PRICKLE2: variants seen among roughly 807,000 people sequenced by gnomAD.
PRICKLE2 encodes prickle-like protein 2.
A neutral mutation model predicts 81.4 loss-of-function variants in PRICKLE2; 21 were observed. The observed-to-expected ratio is 0.26, with a 90% CI of 0.18 to 0.37. The LOEUF (loss-of-function observed/expected upper bound fraction) is 0.37, where lower values mean the gene tolerates loss of function less well. Among genes scored for constraint, PRICKLE2 ranks in the 10% least tolerant of loss-of-function variants. PRICKLE2 has a pLI of 1.00. For synonymous variants in PRICKLE2, 456 were observed against 421.5 expected, an observed-to-expected ratio of 1.08 and a Z score of -1.00; for missense variants, 940 against 1,109.0, an observed-to-expected ratio of 0.85 and a Z score of 2.16.
intron 2 of PRICKLE2, among the ~76,000 whole-genome samples, chr3:64,166,821 A>G (rs935953408): frequency 3.3e-5 from 5 of 152,176 alleles, no homozygotes; most frequent in African/African-American, 1.2e-4. Flanking sequence ...AGGACTTCCA[A>G]TCCTCTTCGA....
chr3:64,200,110 T>G (rs189683196), intron 1 of PRICKLE2: 2 of 152,324 alleles, frequency 1.3e-5, no homozygotes, highest in East Asian at 3.9e-4. Flanking sequence ...CCAGGAGCAT[T>G]GGCAGTTATT....
intron 2 of PRICKLE2, among the ~76,000 whole-genome samples, chr3:64,189,094 A>T (rs2078287195): frequency 6.6e-6 from 1 of 152,170 alleles, no homozygotes; most frequent in Admixed American, 6.5e-5. Flanking sequence ...GCACTCAAAA[A>T]ATATTTGCTG....
intron 2 of PRICKLE2, among the ~76,000 whole-genome samples, chr3:64,165,255 G>C (rs1300979133): frequency 6.6e-6 from 1 of 152,062 alleles, no homozygotes; most frequent in African/African-American, 2.4e-5. Flanking sequence ...AGCCCTTTCT[G>C]ATACTGTCTA....
chr3:64,150,550 C>T (rs776525024), intron 6 of PRICKLE2, among the ~76,000 whole-genome samples: 6 of 152,174 alleles, frequency 3.9e-5, no homozygotes, highest in South Asian at 2.1e-4. Flanking sequence ...CTTCTTCCTC[C>T]TCCTTCTTCT....
intron 7 of PRICKLE2, among the ~76,000 whole-genome samples, chr3:64,144,599 A>G (rs543607462): frequency 2.0e-5 from 3 of 152,370 alleles, no homozygotes; most frequent in East Asian, 1.9e-4. Flanking sequence ...GGGCAGACGT[A>G]TATCTCCCTC....
At chr3:64,130,015 A>G (rs1394046328) in intron 7 of PRICKLE2, among the ~76,000 whole-genome samples, 3 of 152,194 alleles carry the variant, frequency 2.0e-5, no homozygotes, top group Non-Finnish European at 4.4e-5. Flanking sequence ...ATGGACAGAA[A>G]TGTGGAGTAG....
At chr3:64,220,530 C>T (rs2078935555) in intron 1 of PRICKLE2, among the ~76,000 whole-genome samples, 3 of 152,160 alleles carry the variant, frequency 2.0e-5, no homozygotes, top group Admixed American at 1.3e-4. Flanking sequence ...CCCCAGGATA[C>T]AGCACTCAAA....
At chr3:64,118,255 T>C (rs1231623264) in intron 7 of PRICKLE2, among the ~76,000 whole-genome samples, 2 of 152,126 alleles carry the variant, frequency 1.3e-5, no homozygotes, top group African/African-American at 4.8e-5. Flanking sequence ...GAAGAAAACC[T>C]AGGCAATATC....
chr3:64,172,569 T>C (rs1324758148), intron 2 of PRICKLE2, among the ~76,000 whole-genome samples: 9 of 152,344 alleles, frequency 5.9e-5, no homozygotes, highest in East Asian at 1.9e-4. Flanking sequence ...CCTTGAAGCA[T>C]TAATAAGAGG....
At chr3:64,235,723 G>C (rs1351880448) in intron 2 of PRICKLE2, among the ~76,000 whole-genome samples, 1 of 152,088 alleles carries the variant, frequency 6.6e-6, no homozygotes, top group African/African-American at 2.4e-5. Context: ...CTATTGTTTT[G>C]ACAATTCCTT....
chr3:64,112,564 G>A (rs2076866853), intron 7 of PRICKLE2, among the ~76,000 whole-genome samples: 1 of 152,182 alleles, frequency 6.6e-6, no homozygotes, highest in Non-Finnish European at 1.5e-5. Flanking sequence ...TAAATAAATG[G>A]AAGGATAACT....
intron 2 of PRICKLE2, among the ~76,000 whole-genome samples, chr3:64,264,056 C>T (rs989014374): frequency 6.6e-6 from 1 of 151,700 alleles, no homozygotes; most frequent in African/African-American, 2.4e-5. Flanking sequence ...GCCCACCCCA[C>T]CCCCCACTCC....
In PRICKLE2 at chr3:64,133,712, G is replaced by C. The variant is rs1171533181; in HGVS notation, c.1660+13118C>G. On this transcript the variant is annotated intron_variant, in intron 7 of 7. Coordinates refer to ENST00000638394, the MANE Select transcript of PRICKLE2 (RefSeq NM_198859.4). ...GTAACATGGGCATAATTAGGCCACA[G>C]ATTCTGGTAGCCTCTTTTGACTCAG... 3.3e-5 allele frequency among the ~76,000 whole-genome samples: 5 copies of C among 152,282 alleles called. No individual in the cohort carries two copies. In the East Asian group the frequency reaches 9.7e-4, roughly 29 times the overall value.
chr3:64,152,865 T>C (rs925853881), intron 6 of PRICKLE2, among the ~76,000 whole-genome samples: 6 of 152,138 alleles, frequency 3.9e-5, no homozygotes, highest in Admixed American at 2.6e-4. Context: ...AGAATGCAAA[T>C]ACTAAGACTA....
intron 6 of PRICKLE2, among the ~76,000 whole-genome samples, chr3:64,148,979 G>A (rs1425282889): frequency 3.3e-5 from 5 of 152,162 alleles, no homozygotes; most frequent in East Asian, 1.9e-4. Context: ...ATCTGCTTTC[G>A]GTAAAGAAAA....
upstream of PRICKLE2, among the ~76,000 whole-genome samples, chr3:64,229,614 C>T (rs1575692550): frequency 6.6e-6 from 1 of 152,270 alleles, no homozygotes; most frequent in South Asian, 2.1e-4. Flanking sequence ...TTTAAAAAGA[C>T]AGACATCACT....
intron 7 of PRICKLE2, among the ~76,000 whole-genome samples, chr3:64,109,788 A>G (rs2076814718): frequency 6.6e-6 from 1 of 152,202 alleles, no homozygotes; most frequent in Admixed American, 6.5e-5. Flanking sequence ...TTTTAGCAGC[A>G]TTCATTCTAG....
intron 1 of PRICKLE2, among the ~76,000 whole-genome samples, chr3:64,212,657 G>T (rs951749874): frequency 7.2e-5 from 11 of 152,154 alleles, no homozygotes; most frequent in African/African-American, 2.7e-4. Context: ...TAGATTCTGT[G>T]GTTACCATAA....
chr3:64,233,727 C>T (rs1365460341), intron 2 of PRICKLE2, among the ~76,000 whole-genome samples: 1 of 152,140 alleles, frequency 6.6e-6, no homozygotes, highest in East Asian at 1.9e-4. Context: ...CTATACAGCT[C>T]ACCCATTTAA....
Sources: allele counts gnomAD v4.1 joint callset (sites outside exome capture counted in the v4.1 genomes callset), GRCh38; gene constraint gnomAD v4.1.1; transcripts MANE v1.5; gene names NCBI Gene and HGNC (gene_info 2026-07-23, HGNC 2026-07-21).